The following INTS11 variants were observed in gnomAD, a reference collection of about 807,000 sequenced individuals.
INTS11 encodes the protein CPSF3-like protein.
INTS11 carries 77 observed loss-of-function variants against 78.6 expected under a neutral mutation model. That is an observed-to-expected ratio of 0.98 (90% CI 0.81 to 1.18). INTS11 has a LOEUF of 1.18. Among genes scored for constraint, INTS11 ranks in the 50% most tolerant of loss-of-function variants. The probability of loss-of-function intolerance (pLI) is 0.00; values close to 1 mark genes in which losing one functional copy is unlikely to be tolerated. For synonymous variants in INTS11, 441 were observed against 326.9 expected, an observed-to-expected ratio of 1.35 and a Z score of -3.77; for missense variants, 875 against 825.9, an observed-to-expected ratio of 1.06 and a Z score of -0.73.
rs373808021 is a variant in INTS11 at position 1,324,644 on chromosome 1, C to G, written c.-36G>C. On this transcript the variant is annotated 5_prime_UTR_variant, in exon 1 of 17. Transcript: ENST00000435064. ...GCGCTCCCGGACCCGCGAGGCCCGC[C>G]TGCGGTGATGCACTGCGCAGGCGCA... 6.3e-7 allele frequency: 1 copy of G among 1,598,008 alleles called. No homozygotes were observed. Among genetic ancestry groups the G allele is most frequent in the Non-Finnish European group, 8.5e-7 (1 of 1,174,048 alleles).
Position 1,314,142 on chromosome 1 carries a change from C to T in INTS11, c.767+159G>A, listed in dbSNP as rs1642427122. On this transcript the variant is annotated intron_variant, in intron 8 of 16. Coordinates refer to ENST00000435064, the MANE Select transcript of INTS11 (RefSeq NM_017871.6). This position sits in a 1 kb window ranked among gnomAD's most constrained non-coding sequence, Gnocchi z 4.2. ...GCACACGGTGGCGCTGACGGGATGT[C>T]ACAGGCTTCCTGGGGTCACACAGCA... is the stretch of plus-strand genomic sequence containing the variant. 3 of 815,156 alleles carry T rather than the reference C, an allele frequency of 3.7e-6. 1 individual carries two copies. Among genetic ancestry groups the T allele is most frequent in the Admixed American group, 4.6e-5 (2 of 43,340 alleles). 50.5% of individuals were successfully genotyped at this position (815,156 alleles called of 1,614,324 possible). A position where few individuals can be genotyped will look rare whatever the true frequency, so the allele number is the denominator to read the frequency against.
In INTS11 at chr1:1,314,564, G is replaced by T; in HGVS notation, c.703-199C>A. Reference sequence around the variant, plus strand: ...AGAGACAGGAGGGAGCCGCATGAGAGACAGAAGGGAGCTGCATGAGAGACA... The same window carrying T: ...AGAGACAGGAGGGAGCCGCATGAGATACAGAAGGGAGCTGCATGAGAGACA... On this transcript the variant is annotated intron_variant, in intron 7 of 16. Transcript: ENST00000435064. The surrounding 1 kb of genome is among the most constrained non-coding windows in gnomAD (Gnocchi z 4.2). The T allele has an allele frequency of 1.6e-6, 1 of 633,800 alleles. No individual in the cohort carries two copies. Among genetic ancestry groups the T allele is most frequent in the Non-Finnish European group, 2.7e-6 (1 of 367,856 alleles). 39.3% of individuals were successfully genotyped at this position (633,800 alleles called of 1,614,324 possible).
intron 4 of INTS11, chr1:1,318,900 T>C (rs1642775939): frequency 1.4e-6 from 1 of 708,628 alleles, no homozygotes; most frequent in Admixed American, 2.0e-5. Context: ...CCAGGCACCC[T>C]CCAGAGCTGG....
At chr1:1,319,614 C>T (rs1642827062) in intron 3 of INTS11, 90 bp from the exon 4 acceptor site, 4 of 861,370 alleles carry the variant, frequency 4.6e-6, no homozygotes, top group South Asian at 3.4e-5. Context: ...CCCCTTCATT[C>T]GCCTGCTGTG....
intron 1 of INTS11, 69 bp downstream of exon 1, chr1:1,324,512 G>C: frequency 1.4e-6 from 2 of 1,472,818 alleles, no homozygotes; most frequent in South Asian, 2.4e-5. Context: ...GGGAGGGAGC[G>C]GGGCGCCCAG....
At chr1:1,317,026 C>T (rs1186786134) in intron 4 of INTS11, 1 of 152,078 alleles carries the variant, frequency 6.6e-6, no homozygotes, top group African/African-American at 2.4e-5. Flanking sequence ...CAAGCGTCCT[C>T]CCGCCTCCAC....
chr1:1,323,829 A>G (rs1247113054), intron 1 of INTS11, among the ~76,000 whole-genome samples: 1 of 105,066 alleles, frequency 9.5e-6, no homozygotes, highest in Non-Finnish European at 1.8e-5. Context: ...GAGCACACAG[A>G]GTGGTGGACA....
Position 1,312,311 on chromosome 1 carries a change from G to T in INTS11, c.1522C>A (p.Gln508Lys). The change falls in exon 15 of 17, where the codon CAG (glutamine) becomes AAG (lysine). Residue 508 changes from glutamine to lysine, a missense_variant. By Grantham distance (53) the Gln-to-Lys change is moderately conservative. Transcript: ENST00000435064. The part of the protein sequence containing the change: ...ALKELGLAEH[Q>K]LRFTCRVHLH... ...TGCACGCGGCAGGTGAAGCGCAGCT[G>T]GTGCTCAGCCAGACCCAGCTCTTTG... The T allele has an allele frequency of 6.4e-7, 1 of 1,551,924 alleles. No homozygotes were observed. The highest frequency in any genetic ancestry group is 8.7e-7 in the Non-Finnish European group (1 of 1,147,746).
At chr1:1,318,710 T>C (rs1642760426) in intron 4 of INTS11, 1 of 473,036 alleles carries the variant, frequency 2.1e-6, no homozygotes, top group African/African-American at 2.0e-5. Flanking sequence ...TTTGACAAGT[T>C]CAATCAGAAA....
In INTS11 at chr1:1,312,072, G is replaced by T; in HGVS notation, c.1683C>A (p.Ala561=). 1 of 1,573,588 alleles carries T rather than the reference G, an allele frequency of 6.4e-7. No homozygotes were observed. The highest frequency in any genetic ancestry group is 1.2e-5 in the South Asian group (1 of 86,522). The stretch of plus-strand genomic sequence containing the variant: ...TGGTGCCTGGGTCCTCAGAAGGGGC[G>T]GCGGCCTGGAGGAGGACGGACTCCA... The part of the protein sequence containing the change: ...VTVESVLLQA[A]APSEDPGTKV... Residue 561 remains alanine (A), a synonymous_variant, in exon 16 of 17, where the codon GCC becomes GCA. Transcript: ENST00000435064.
chr1:1,323,584 T>C (rs2100647932), intron 1 of INTS11, among the ~76,000 whole-genome samples: 1 of 151,218 alleles, frequency 6.6e-6, no homozygotes, highest in South Asian at 2.1e-4. Flanking sequence ...TTAGCATTTT[T>C]TTTTTTTGGA....
Position 1,312,255 on chromosome 1 carries a change from C to G in INTS11, c.1578G>C (p.Thr526=), listed in dbSNP as rs374446682. 13 of 1,542,768 alleles carry G rather than the reference C, an allele frequency of 8.4e-6. No individual in the cohort carries two copies. The highest frequency in any genetic ancestry group is 4.3e-4 in the Middle Eastern group (2 of 4,688). ...HLHDTRKEQE[T]ALRVYSHLKS... The stretch of plus-strand genomic sequence containing the variant: ...TGAGGTGGCTGTAGACGCGCAATGC[C>G]GTCTCCTGCTCCTTGCGTGTGTCAT... Residue 526 remains threonine (T), a synonymous_variant, in exon 15 of 17, where the codon ACG becomes ACC. Transcript: ENST00000435064.
intron 1 of INTS11, 70 bp downstream of exon 1, chr1:1,324,511 C>A (rs1027895014): frequency 8.8e-6 from 13 of 1,472,428 alleles, no homozygotes; most frequent in Non-Finnish European, 1.2e-5. Flanking sequence ...CGGGAGGGAG[C>A]GGGGCGCCCA....
chr1:1,313,298 G>A (rs570026046), intron 10 of INTS11, 174 bp from the exon 11 acceptor site: 3 of 902,314 alleles, frequency 3.3e-6, no homozygotes, highest in Admixed American at 2.1e-5. Context: ...ACTGTCCAGG[G>A]CTGGGCTGGG....
chr1:1,313,390 G>T, intron 10 of INTS11, 119 bp downstream of exon 10: 1 of 1,169,666 alleles, frequency 8.5e-7, no homozygotes, highest in Non-Finnish European at 1.3e-6. Flanking sequence ...CCCAGCAGCA[G>T]CAGCCACGTC....
intron 2 of INTS11, 65 bp downstream of exon 2, chr1:1,320,931 G>T: frequency 1.4e-6 from 2 of 1,405,370 alleles, no homozygotes; most frequent in Non-Finnish European, 2.0e-6. Context: ...CGGCTCTGAG[G>T]CCCAGGGTCC....
chr1:1,322,755 G>A lies in INTS11; in HGVS notation c.29-1662C>T, dbSNP rs1390911685. ...GGGTGGGTAGGGGGACCGGCGGCGG[G>A]GGGGGTAGCCACACACAGGCCAAGG... On this transcript the variant is annotated intron_variant, in intron 1 of 16. Transcript: ENST00000435064. The A allele has an allele frequency of 2.4e-5, 9 of 380,462 alleles. No individual in the cohort carries two copies. The East Asian group carries it at 6.5e-4, about 28-fold the overall frequency. The allele number at this position is 380,462 out of a possible 1,614,324, so 23.6% of individuals were successfully genotyped here.
chr1:1,322,946 G>A, intron 1 of INTS11: 5 of 1,353,438 alleles, frequency 3.7e-6, no homozygotes, highest in East Asian at 2.7e-5. Flanking sequence ...GGTAATTGAA[G>A]CCACATGAAA....
At chr1:1,312,722 A>G in intron 12 of INTS11, 22 bp from the exon 13 acceptor site, 1 of 1,589,132 alleles carries the variant, frequency 6.3e-7, no homozygotes, top group Non-Finnish European at 8.6e-7. Context: ...GGGAAGAGAG[A>G]GCCTCAGCCC....
Sources: allele counts gnomAD v4.1 joint callset (sites outside exome capture counted in the v4.1 genomes callset), GRCh38; gene constraint gnomAD v4.1.1; non-coding constraint Gnocchi (gnomAD v3.1); transcripts MANE v1.5; gene names NCBI Gene and HGNC (gene_info 2026-07-23, HGNC 2026-07-21).